The following NCOA6 variants were observed in gnomAD, a reference collection of about 807,000 sequenced individuals.
NCOA6 encodes the protein nuclear receptor coactivator 6, also known as NRC RAP250.
A neutral mutation model predicts 171.4 loss-of-function variants in NCOA6; 49 were observed. The ratio of observed to expected loss-of-function variants is 0.29; its 90% confidence interval spans 0.23 to 0.36. NCOA6 has a LOEUF of 0.36. Ranked by LOEUF, NCOA6 falls within the 10% of genes least tolerant of loss-of-function variation. The pLI, the probability that NCOA6 is intolerant of heterozygous loss-of-function variation, is 1.00. For synonymous variants in NCOA6, 910 were observed against 927.5 expected, an observed-to-expected ratio of 0.98 and a Z score of 0.34; for missense variants, 2,248 against 2,554.5, an observed-to-expected ratio of 0.88 and a Z score of 2.59.
In NCOA6 at chr20:34,740,941, C is replaced by T; in HGVS notation, c.5315G>A (p.Ser1772Asn). ...ATCTGCTGAGGTGTTCACCTGAGGG[C>T]TAGCCTCATCTGGATTCAATTCTTT... ...QVKELNPDEA[S>N]PQVNTSADQN... Residue 1772 changes from serine to asparagine, a missense_variant, in exon 11 of 15, where the codon AGC (serine) becomes AAC (asparagine). This residue lies in a region of NCOA6 where 884 missense variants were observed against 941.9 expected (regional missense o/e 0.94). Coordinates refer to ENST00000359003, the MANE Select transcript of NCOA6 (RefSeq NM_014071.5). 6.2e-7 allele frequency: 1 copy of T among 1,614,156 alleles called. No individual in the cohort carries two copies. Among genetic ancestry groups the T allele is most frequent in the Non-Finnish European group, 8.5e-7 (1 of 1,180,032 alleles).
At chr20:34,810,631 C>T (rs2146608336) in intron 1 of NCOA6, among the ~76,000 whole-genome samples, 1 of 152,080 alleles carries the variant, frequency 6.6e-6, no homozygotes, top group South Asian at 2.1e-4. Context: ...TCTCGGCTCA[C>T]TGCAAGCTCC....
rs2079110065 is a variant in NCOA6 at position 34,825,064 on chromosome 20, T to TA, written c.-164+407_-164+408insT. Among the ~76,000 whole-genome samples the TA allele has an allele frequency of 3.3e-5, 5 of 152,126 alleles. 1 individual carries two copies. Among genetic ancestry groups the TA allele is most frequent in the Admixed American group, 3.3e-4 (5 of 15,296 alleles). ...CCATAGACCCCAATCCCGGTTCCCT[T>TA]CGGACCCAGTGTTCCTTCTCCGCGA... is the stretch of plus-strand genomic sequence containing the variant. On this transcript the variant is annotated intron_variant, in intron 1 of 14. Coordinates refer to ENST00000359003, the MANE Select transcript of NCOA6 (RefSeq NM_014071.5).
intron 5 of NCOA6, among the ~76,000 whole-genome samples, chr20:34,759,231 G>A (rs2076744066): frequency 6.6e-6 from 1 of 152,034 alleles, no homozygotes; most frequent in Non-Finnish European, 1.5e-5. Flanking sequence ...TTATAGAGAT[G>A]GGGTCGCTAT....
Position 34,740,709 on chromosome 20 carries a change from A to C in NCOA6, c.5547T>G (p.Asp1849Glu). The C allele has an allele frequency of 6.2e-7, 1 of 1,614,184 alleles. No homozygotes were observed. The highest frequency in any genetic ancestry group is 2.2e-5 in the East Asian group (1 of 44,886). The change falls in exon 11 of 15, where the codon GAT (aspartate) becomes GAG (glutamate). Residue 1849 changes from aspartate (D) to glutamate (E), a missense_variant. Transcript: ENST00000359003. ...LEKGEEQYGADGETEGQGLDT... is the reference protein window; with the variant it reads ...LEKGEEQYGAEGETEGQGLDT... ...CTAGCCCTTGGCCTTCAGTCTCTCC[A>C]TCTGCACCATATTGTTCTTCCCCTT...
At chr20:34,723,623 G>C (rs141168835) in intron 14 of NCOA6, among the ~76,000 whole-genome samples, 1 of 152,298 alleles carries the variant, frequency 6.6e-6, no homozygotes, top group East Asian at 1.9e-4. Flanking sequence ...CTCAGAGCAA[G>C]GATGTGCCAG....
chr20:34,740,459 T>G lies in NCOA6; in HGVS notation c.5797A>C (p.Thr1933Pro). The G allele has an allele frequency of 6.2e-7, 1 of 1,614,200 alleles. No individual in the cohort carries two copies. Among genetic ancestry groups the G allele is most frequent in the Non-Finnish European group, 8.5e-7 (1 of 1,180,026 alleles). ...GCTATGCCACCATGATTGCTTTTTGTGGTCGGTACGGCGGAGATGAGCTCG... is the reference window on the plus strand; with the variant it reads ...GCTATGCCACCATGATTGCTTTTTGGGGTCGGTACGGCGGAGATGAGCTCG... ...PSELISAVPT[T>P]KSNHGGIASE... is the part of the protein sequence containing the mutation. The change falls in exon 11 of 15, where the codon ACA becomes CCA. Residue 1933 changes from threonine (T) to proline (P), a missense_variant. Thr to Pro is a conservative substitution (Grantham distance 38). This residue lies in a region of NCOA6 where 884 missense variants were observed against 941.9 expected (regional missense o/e 0.94). Transcript: ENST00000359003.
chr20:34,752,584 T>A (rs1427359061), intron 8 of NCOA6, among the ~76,000 whole-genome samples: 1 of 151,918 alleles, frequency 6.6e-6, no homozygotes, highest in Non-Finnish European at 1.5e-5. Flanking sequence ...GAAGAGAAAG[T>A]AAGAGATAAG....
At chr20:34,782,503 A>G in intron 2 of NCOA6, 99 bp from the exon 3 acceptor site, 1 of 312,866 alleles carries the variant, frequency 3.2e-6, no homozygotes, top group Non-Finnish European at 5.7e-6. Flanking sequence ...ATTTAATAAG[A>G]AAATACTATA....
At chr20:34,785,632 A>G (rs552303516) in intron 2 of NCOA6, among the ~76,000 whole-genome samples, 17 of 152,256 alleles carry the variant, frequency 1.1e-4, no homozygotes, top group Non-Finnish European at 1.9e-4. Flanking sequence ...CTAAAAAACT[A>G]TGACTATTTA....
chr20:34,742,545 G>T lies in NCOA6; in HGVS notation c.3711C>A (p.Ile1237=). 1 of 1,614,184 alleles carries T rather than the reference G, an allele frequency of 6.2e-7. No homozygotes were observed. The highest frequency in any genetic ancestry group is 8.5e-7 in the Non-Finnish European group (1 of 1,180,032). The change falls in exon 11 of 15, where the codon ATC becomes ATA. Residue 1237 remains isoleucine, a synonymous_variant. Coordinates refer to ENST00000359003, the MANE Select transcript of NCOA6 (RefSeq NM_014071.5). Reference sequence around the variant, plus strand: ...CATTGAGTCTTTCTGGTGACAGACTGATTTCTGAAGGTTCTGTGCTGGGAG... The same window carrying T: ...CATTGAGTCTTTCTGGTGACAGACTTATTTCTGAAGGTTCTGTGCTGGGAG... ...NRPPSTEPSE[I]SLSPERLNAS...
chr20:34,741,550 G>A lies in NCOA6; in HGVS notation c.4706C>T (p.Ser1569Phe), dbSNP rs747262693. The change falls in exon 11 of 15, where the codon TCT becomes TTT. Residue 1569 changes from serine to phenylalanine, a missense_variant. Ser to Phe is a radical substitution (Grantham distance 155). This residue lies in a region of NCOA6 where 884 missense variants were observed against 941.9 expected (regional missense o/e 0.94). Transcript: ENST00000359003. ...TGGAGGGATGCTTGGTGCAACGTTA[G>A]AACTGACCTCACTCAATTCGGGATG... The part of the protein sequence containing the change: ...LVHPELSEVS[S>F]NVAPSIPPVM... 5 of 1,614,204 alleles carry A rather than the reference G, an allele frequency of 3.1e-6. No homozygotes were observed. Among genetic ancestry groups the A allele is most frequent in the Non-Finnish European group, 4.2e-6 (5 of 1,180,050 alleles).
Position 34,782,405 on chromosome 20 carries a change from C to G in NCOA6, c.-49-1G>C. Reference sequence around the variant, plus strand: ...TGCCAAGAGGACAATAAGAAAACTTCTGAAAAGAGAAGATGCAAAAGAGCA... The same window carrying G: ...TGCCAAGAGGACAATAAGAAAACTTGTGAAAAGAGAAGATGCAAAAGAGCA... On this transcript the variant is annotated splice_acceptor_variant, in intron 2 of 14. Coordinates refer to ENST00000359003, the MANE Select transcript of NCOA6 (RefSeq NM_014071.5). LOFTEE classifies it low-confidence loss of function (5UTR_SPLICE). 1 of 1,188,184 alleles carries G rather than the reference C, an allele frequency of 8.4e-7. No homozygotes were observed. The highest frequency in any genetic ancestry group is 1.2e-6 in the Non-Finnish European group (1 of 839,964). 73.6% of individuals were successfully genotyped at this position (1,188,184 alleles called of 1,614,324 possible). A position where few individuals can be genotyped will look rare whatever the true frequency, so the allele number is the denominator to read the frequency against.
chr20:34,772,724 T>C (rs535907270), intron 4 of NCOA6, among the ~76,000 whole-genome samples: 42 of 152,106 alleles, frequency 2.8e-4, no homozygotes, highest in African/African-American at 8.7e-4. Flanking sequence ...CAGGAAGAAA[T>C]GCAACCTGTC....
rs369044912 is a variant in NCOA6, at chr20:34,811,960, T to C, written c.-164+13512A>G. ...TTTCATGAGGTCCTTATAAAACTAT[T>C]TCATGGTGGCCGGGCACGGTGGCTC... is the stretch of plus-strand genomic sequence containing the variant. On this transcript the variant is annotated intron_variant, in intron 1 of 14. Coordinates refer to ENST00000359003, the MANE Select transcript of NCOA6 (RefSeq NM_014071.5). Among the ~76,000 whole-genome samples, 8 of 152,206 alleles carry C rather than the reference T, an allele frequency of 5.3e-5. No individual in the cohort carries two copies. The East Asian group carries it at 1.4e-3, about 26-fold the overall frequency.
Position 34,825,457 on chromosome 20 carries a change from C to T in NCOA6, c.-164+15G>A, listed in dbSNP as rs1272412059. 1.3e-5 allele frequency: 2 copies of T among 148,894 alleles called. No homozygotes were observed. Among genetic ancestry groups the T allele is most frequent in the African/African-American group, 4.9e-5 (2 of 40,998 alleles). The allele number at this position is 148,894 out of a possible 1,614,324, so 9.2% of individuals were successfully genotyped here. A position where few individuals can be genotyped will look rare whatever the true frequency, so the allele number is the denominator to read the frequency against. On this transcript the variant is annotated intron_variant, in intron 1 of 14. Transcript: ENST00000359003. ...CGGGCCCACCCCTTACGGGCCCGCG[C>T]CGCCGTCCCCTCACCTGAGCGCGGC...
At chr20:34,751,356 G>A (rs1175705548) in intron 8 of NCOA6, among the ~76,000 whole-genome samples, 3 of 79,112 alleles carry the variant, frequency 3.8e-5, no homozygotes, top group South Asian at 3.5e-4. Flanking sequence ...CAGCCTGGGC[G>A]ACAGAGCAAG....
chr20:34,763,577 TAGG>T (rs995002898), intron 5 of NCOA6, among the ~76,000 whole-genome samples: 4 of 152,204 alleles, frequency 2.6e-5, no homozygotes, highest in Admixed American at 6.5e-5. Flanking sequence ...AGGCTTTAAC[TAGG>T]AGAAGTATGC....
At chr20:34,759,461 T>C (rs2145846248) in intron 5 of NCOA6, among the ~76,000 whole-genome samples, 1 of 152,344 alleles carries the variant, frequency 6.6e-6, no homozygotes, top group African/African-American at 2.4e-5. Flanking sequence ...TTCCTCCCTC[T>C]TATTGCAATT....
chr20:34,761,903 C>T (rs1190168414), intron 5 of NCOA6, among the ~76,000 whole-genome samples: 3 of 152,116 alleles, frequency 2.0e-5, no homozygotes, highest in African/African-American at 7.2e-5. Flanking sequence ...ATCTGCCTGT[C>T]TCGGCCTCCC....
Sources: gnomAD v4.1 joint callset for allele counts (sites outside exome capture counted in the v4.1 genomes callset) on GRCh38, gnomAD v4.1.1 for gene constraint, gnomAD v4.1.1 regional missense constraint, MANE v1.5 for transcripts, NCBI Gene and HGNC (gene_info 2026-07-23, HGNC 2026-07-21) for gene names.